H1-8: variants seen among roughly 807,000 people sequenced by gnomAD.
H1-8 encodes H1.8 linker histone.
Under a neutral mutation model 19.5 loss-of-function variants are expected in H1-8, and 13 were observed. The observed-to-expected ratio is 0.67, with a 90% CI of 0.43 to 1.06. The LOEUF (loss-of-function observed/expected upper bound fraction) is 1.06. Ranked by LOEUF, H1-8 falls within the 50% of genes least tolerant of loss-of-function variation. The pLI, the probability that H1-8 is intolerant of heterozygous loss-of-function variation, is 0.00. For missense variants in H1-8, 432 were observed against 459.8 expected (o/e 0.94, Z 0.55); for synonymous variants, 193 against 187.6 (o/e 1.03, Z -0.24).
intron 2 of H1-8, 97 bp from the exon 3 acceptor site, chr3:129,548,904 G>A (rs2084910282): frequency 1.4e-6 from 2 of 1,471,184 alleles, no homozygotes; most frequent in South Asian, 1.4e-5. Flanking sequence ...GAGCCCCCCT[G>A]TTTGGAACGA....
At chr3:129,544,690 G>A (rs1363724877) in intron 1 of H1-8, among the ~76,000 whole-genome samples, 1 of 152,048 alleles carries the variant, frequency 6.6e-6, no homozygotes, top group Non-Finnish European at 1.5e-5. Context: ...GTGGCTCTCT[G>A]GGACAGACAT....
intron 1 of H1-8, among the ~76,000 whole-genome samples, chr3:129,543,550 C>T (rs946507112): frequency 3.3e-5 from 5 of 152,156 alleles, no homozygotes; most frequent in Admixed American, 6.5e-5. Flanking sequence ...GGGCTGGGGC[C>T]GGCCTCGCTC....
intron 3 of H1-8, among the ~76,000 whole-genome samples, chr3:129,549,701 C>A (rs2084919792): frequency 6.6e-6 from 1 of 151,876 alleles, no homozygotes; most frequent in Non-Finnish European, 1.5e-5. Context: ...TGCCTGTAAG[C>A]CTAACACTTT....
chr3:129,546,549 A>G (rs1310313132), intron 1 of H1-8, among the ~76,000 whole-genome samples: 2 of 152,262 alleles, frequency 1.3e-5, no homozygotes, highest in Non-Finnish European at 2.9e-5. Flanking sequence ...CCTTTTAAAA[A>G]GCAATTGTAA....
At chr3:129,549,398 A>G in intron 3 of H1-8, 34 bp downstream of exon 3, 1 of 1,391,132 alleles carries the variant, frequency 7.2e-7, no homozygotes, top group African/African-American at 1.5e-5. Context: ...TGGTGTGGGG[A>G]TGGGGGTCTT....
intron 1 of H1-8, among the ~76,000 whole-genome samples, chr3:129,545,329 A>G (rs1428883568): frequency 1.3e-5 from 2 of 152,152 alleles, no homozygotes; most frequent in East Asian, 3.8e-4. Flanking sequence ...CATTCACCAC[A>G]TTTAAATCCG....
chr3:129,543,287 T>A lies in H1-8; in HGVS notation c.69T>A (p.Ser23=). 1 of 1,613,382 alleles carries A rather than the reference T, an allele frequency of 6.2e-7. No homozygotes were observed. Among genetic ancestry groups the A allele is most frequent in the Non-Finnish European group, 8.5e-7 (1 of 1,179,660 alleles). ...SSTSTAGSSR[S]PESEKPGPSH... ...CTTCCACAGCAGGATCATCCAGGTC[T>A]CCTGAATCTGAAAAGCCAGGTGAGC... The change falls in exon 1 of 5, where the codon TCT becomes TCA. Residue 23 remains serine, a synonymous_variant. Transcript: ENST00000324382.
At chr3:129,546,427 T>G (rs2625956) in intron 1 of H1-8, among the ~76,000 whole-genome samples, 57,279 of 152,166 alleles carry the variant, frequency 0.38, 16,920 homozygotes, top group African/African-American at 0.8. Context: ...ACAGTCACCA[T>G]CTTGTGGACA....
At chr3:129,549,511 A>T in intron 3 of H1-8, 147 bp downstream of exon 3, 1 of 954,748 alleles carries the variant, frequency 1.0e-6, no homozygotes, top group Non-Finnish European at 1.5e-6. Flanking sequence ...GAGAGAACTC[A>T]TGGTAGCTGG....
chr3:129,547,307 C>T, intron 1 of H1-8, 84 bp from the exon 2 acceptor site: 3 of 1,376,868 alleles, frequency 2.2e-6, no homozygotes, highest in Non-Finnish European at 2.9e-6. Context: ...CTTGCTGGAC[C>T]CTCACCCACC....
intron 3 of H1-8, 40 bp from the exon 4 acceptor site, chr3:129,550,705 C>T: frequency 3.2e-6 from 5 of 1,580,522 alleles, no homozygotes; most frequent in Non-Finnish European, 3.5e-6. Flanking sequence ...CCAGCAGTTC[C>T]TCCTTCTTCC....
At position 129,549,239 on chromosome 3, in the gene H1-8, ACACCAGGG is replaced by A; in HGVS notation, c.621_628del (p.Arg208ValfsTer5). 1 of 1,589,222 alleles carries A rather than the reference ACACCAGGG, an allele frequency of 6.3e-7. No homozygotes were observed. The highest frequency in any genetic ancestry group is 8.6e-7 in the Non-Finnish European group (1 of 1,168,716). On this transcript the variant is annotated frameshift_variant, in exon 3 of 5. Transcript: ENST00000324382. LOFTEE classifies it high-confidence loss of function. ...CGCAAGCAAGGCGGCGCGGCCAAGG[ACACCAGGG>A]CACAGTCGGGAGAGGCTAGGAAGGT...
intron 1 of H1-8, among the ~76,000 whole-genome samples, chr3:129,547,169 C>T (rs2084894460): frequency 6.6e-6 from 1 of 152,150 alleles, no homozygotes; most frequent in African/African-American, 2.4e-5. Context: ...TGCACTCCAG[C>T]CTGGGGACAT....
intron 2 of H1-8, 58 bp from the exon 3 acceptor site, chr3:129,548,936 CGGGGGGT>C: frequency 6.5e-7 from 1 of 1,530,090 alleles, no homozygotes; most frequent in South Asian, 1.3e-5. Flanking sequence ...CGGAGTCTTA[CGGGGGGT>C]GGGGGGCGTG....
intron 1 of H1-8, among the ~76,000 whole-genome samples, chr3:129,544,963 C>T (rs1364507085): frequency 6.6e-6 from 1 of 151,938 alleles, no homozygotes; most frequent in African/African-American, 2.4e-5. Flanking sequence ...GGCCAGGACC[C>T]AACAGGGGTC....
At position 129,548,804 on chromosome 3, in the gene H1-8, G is replaced by T. The variant is rs369813583; in HGVS notation, c.379-197G>T. Among the ~76,000 whole-genome samples the T allele has an allele frequency of 1.6e-3, 236 of 152,256 alleles. 2 individuals carry two copies. The highest frequency in any genetic ancestry group is 5.5e-3 in the African/African-American group (228 of 41,558). On this transcript the variant is annotated intron_variant, in intron 2 of 4. Coordinates refer to ENST00000324382, the MANE Select transcript of H1-8 (RefSeq NM_153833.3). ...GAAAGTGGCAGGCCTAGGGCAGGTG[G>T]TTGAGAGATCCTGAGATCCTAGAAT...
chr3:129,551,271 C>T lies in H1-8; in HGVS notation c.972C>T (p.Gly324=), dbSNP rs1379267622. The change falls in exon 5 of 5, where the codon GGC becomes GGT. Residue 324 remains glycine (G), a synonymous_variant. Coordinates refer to ENST00000324382, the MANE Select transcript of H1-8 (RefSeq NM_153833.3). ...HLSRKTEAPK[G]PRKAGLPIKA... ...CCAGGAAGACAGAGGCCCCCAAGGG[C>T]CCTAGAAAGGCTGGGCTGCCCATCA... 2 of 1,614,114 alleles carry T rather than the reference C, an allele frequency of 1.2e-6. No individual in the cohort carries two copies. The highest frequency in any genetic ancestry group is 1.6e-4 in the Middle Eastern group (1 of 6,062).
chr3:129,550,615 G>C, intron 3 of H1-8, 130 bp from the exon 4 acceptor site: 2 of 702,494 alleles, frequency 2.8e-6, no homozygotes, highest in Non-Finnish European at 2.5e-6. Flanking sequence ...TAAATGATTT[G>C]CCCCATGTCA....
At chr3:129,548,594 G>A (rs1409477440) in intron 2 of H1-8, 1 of 778,588 alleles carries the variant, frequency 1.3e-6, no homozygotes, top group Non-Finnish European at 1.6e-6. Context: ...CTGCTGTAAA[G>A]ATGAGAAGAC....
Sources: gnomAD v4.1 joint callset for allele counts (sites outside exome capture counted in the v4.1 genomes callset) on GRCh38, gnomAD v4.1.1 for gene constraint, MANE v1.5 for transcripts, NCBI Gene and HGNC (gene_info 2026-07-23, HGNC 2026-07-21) for gene names.